Variants in AMPD2 observed in about 807,000 individuals in gnomAD.
The protein encoded by AMPD2 is AMP deaminase 2.
Under a neutral mutation model 91.3 loss-of-function variants are expected in AMPD2, and 52 were observed. The observed-to-expected ratio is 0.57, with a 90% CI of 0.46 to 0.72. AMPD2 has a LOEUF of 0.72. Among genes scored for constraint, AMPD2 ranks in the 30% least tolerant of loss-of-function variants. The probability of loss-of-function intolerance (pLI) is 0.00; values close to 1 mark genes in which losing one functional copy is unlikely to be tolerated. For synonymous variants in AMPD2, 455 were observed against 456.4 expected (o/e 1.00, Z 0.04); for missense variants, 822 against 1,122.3 (o/e 0.73, Z 3.82).
Position 109,624,716 on chromosome 1 carries a change from C to T in AMPD2, c.92-587C>T, listed in dbSNP as rs534397429. ...TTCCTCTCCTCTTCCCTTGAGGGCTCGTCCCTAGGTCAGAGCTGAGCAGCA... is the reference window on the plus strand; with the variant it reads ...TTCCTCTCCTCTTCCCTTGAGGGCTTGTCCCTAGGTCAGAGCTGAGCAGCA... On this transcript the variant is annotated intron_variant, in intron 2 of 18. Coordinates refer to ENST00000528667, the MANE Select transcript of AMPD2 (RefSeq NM_001368809.2). This position sits in a 1 kb window ranked among gnomAD's most constrained non-coding sequence, Gnocchi z 5.2. Among the ~76,000 whole-genome samples, 4 of 152,184 alleles carry T rather than the reference C, an allele frequency of 2.6e-5. No homozygotes were observed. Among genetic ancestry groups the T allele is most frequent in the African/African-American group, 7.2e-5 (3 of 41,450 alleles).
chr1:109,626,616 G>A (rs1367078141), intron 6 of AMPD2, 110 bp from the exon 7 acceptor site: 11 of 1,449,728 alleles, frequency 7.6e-6, no homozygotes, highest in East Asian at 2.3e-5. Context: ...GTGTTCCTGG[G>A]GGTCAGGGCC....
Position 109,628,957 on chromosome 1 carries a change from G to C in AMPD2, c.1571+151G>C. On this transcript the variant is annotated intron_variant, in intron 13 of 18. Transcript: ENST00000528667. This position sits in a 1 kb window ranked among gnomAD's most constrained non-coding sequence, Gnocchi z 7.1. The stretch of plus-strand genomic sequence containing the variant: ...GGCTTCCTGGTCCCATCCATGGTCT[G>C]TCCAGCCTGGCCCACCTGGGTATCC... 7.0e-7 allele frequency: 1 copy of C among 1,436,824 alleles called. No individual in the cohort carries two copies. The highest frequency in any genetic ancestry group is 1.4e-5 in the South Asian group (1 of 72,202). 89.0% of individuals were successfully genotyped at this position (1,436,824 alleles called of 1,614,324 possible).
rs758231653 is a variant in AMPD2 at position 109,626,351 on chromosome 1, A to T, written c.455A>T (p.Asp152Val). The T allele has an allele frequency of 3.5e-5, 56 of 1,612,746 alleles. No homozygotes were observed. The highest frequency in any genetic ancestry group is 3.4e-6 in the Non-Finnish European group (4 of 1,179,390). The change falls in exon 6 of 19, where the codon GAC (aspartate) becomes GTC (valine). Residue 152 changes from aspartate (D) to valine (V), a missense_variant. Physicochemically the swap from Asp to Val is radical, Grantham distance 152. This residue lies in a region of AMPD2 where 240 missense variants were observed against 270.3 expected (regional missense o/e 0.89). Coordinates refer to ENST00000528667, the MANE Select transcript of AMPD2 (RefSeq NM_001368809.2). ...AAGGAACAGGGTGAGGGGCAGGGTGACCGGAGCCTGCGGGAGCGTGATGTG... is the reference window on the plus strand; with the variant it reads ...AAGGAACAGGGTGAGGGGCAGGGTGTCCGGAGCCTGCGGGAGCGTGATGTG... ...LYKEQGEGQGDRSLRERDVLE... is the reference protein window; with the variant it reads ...LYKEQGEGQGVRSLRERDVLE...
intron 2 of AMPD2, among the ~76,000 whole-genome samples, chr1:109,622,528 CGTAA>C (rs1307598969): frequency 2.6e-5 from 4 of 152,278 alleles, no homozygotes; most frequent in African/African-American, 7.2e-5. Context: ...TTGACTTCTC[CGTAA>C]GTGTGGGTGT....
At position 109,630,231 on chromosome 1, in the gene AMPD2, A is replaced by G; in HGVS notation, c.1984-2A>G. 1 of 1,611,792 alleles carries G rather than the reference A, an allele frequency of 6.2e-7. No homozygotes were observed. Among genetic ancestry groups the G allele is most frequent in the Non-Finnish European group, 8.5e-7 (1 of 1,179,978 alleles). On this transcript the variant is annotated splice_acceptor_variant, in intron 16 of 18. Coordinates refer to ENST00000528667, the MANE Select transcript of AMPD2 (RefSeq NM_001368809.2). LOFTEE classifies it high-confidence loss of function. ...GGCCCTCCCTCCCTGTTGCCTGCCCAGGCCCCCGTCCTGCAGTACCTGTAC... is the reference window on the plus strand; with the variant it reads ...GGCCCTCCCTCCCTGTTGCCTGCCCGGGCCCCCGTCCTGCAGTACCTGTAC...
At chr1:109,621,410 G>A (rs1335014752) in intron 2 of AMPD2, 144 bp downstream of exon 2, 2 of 770,510 alleles carry the variant, frequency 2.6e-6, no homozygotes, top group East Asian at 6.5e-5. Flanking sequence ...CCCAGGGACA[G>A]CCGGCTTGGA....
chr1:109,626,124 G>C, intron 4 of AMPD2, 36 bp from the exon 5 acceptor site: 1 of 1,612,200 alleles, frequency 6.2e-7, no homozygotes, highest in Non-Finnish European at 8.5e-7. Context: ...GCCGTCCCTC[G>C]GGATCTGCCT....
rs746418383 is a variant in AMPD2, at chr1:109,629,363, C to T, written c.1735C>T (p.Pro579Ser). 1 of 1,614,132 alleles carries T rather than the reference C, an allele frequency of 6.2e-7. No homozygotes were observed. Among genetic ancestry groups the T allele is most frequent in the Non-Finnish European group, 8.5e-7 (1 of 1,180,022 alleles). The change falls in exon 15 of 19, where the codon CCT becomes TCT. Residue 579 changes from proline to serine, a missense_variant. Physicochemically the swap from Pro to Ser is moderately conservative, Grantham distance 74. Transcript: ENST00000528667. ...GFDSVDDESK[P>S]ENHVFNLESP... ...TGACAGCGTGGATGATGAGTCCAAG[C>T]CTGAAAACCATGTCTTCAACCTGGA...
chr1:109,629,575 G>T, intron 15 of AMPD2, 85 bp downstream of exon 15: 1 of 1,538,918 alleles, frequency 6.5e-7, no homozygotes, highest in Non-Finnish European at 8.8e-7. Context: ...AGGGCCACTA[G>T]ACCTCTGACC....
rs1651281863 is a variant in AMPD2 at position 109,631,643 on chromosome 1, G to A, written c.*491G>A. ...GGGTCTGTGGAACTCCAGCAGCTCT[G>A]CACTGGGTAGAGCTGGGCCTAGAGC... On this transcript the variant is annotated 3_prime_UTR_variant, in exon 19 of 19. Coordinates refer to ENST00000528667, the MANE Select transcript of AMPD2 (RefSeq NM_001368809.2). 1 of 211,182 alleles carries A rather than the reference G, an allele frequency of 4.7e-6. No homozygotes were observed. The allele number at this position is 211,182 out of a possible 1,614,324, so 13.1% of individuals were successfully genotyped here. A position where few individuals can be genotyped will look rare whatever the true frequency, so the allele number is the denominator to read the frequency against.
Position 109,620,199 on chromosome 1 carries a change from G to A in AMPD2, c.-342G>A, listed in dbSNP as rs1650125285. On this transcript the variant is annotated 5_prime_UTR_variant, in exon 1 of 19. Transcript: ENST00000528667. ...GGGTCTGTGGCCCGATCCCCCTGCC[G>A]TCCCTCAGGACCCGGGCTTTCTGCT... 14 of 1,610,448 alleles carry A rather than the reference G, an allele frequency of 8.7e-6. No homozygotes were observed. Among genetic ancestry groups the A allele is most frequent in the Non-Finnish European group, 1.2e-5 (14 of 1,176,800 alleles).
In AMPD2 at chr1:109,631,456, G is replaced by A; in HGVS notation, c.*304G>A. On this transcript the variant is annotated 3_prime_UTR_variant, in exon 19 of 19. Coordinates refer to ENST00000528667, the MANE Select transcript of AMPD2 (RefSeq NM_001368809.2). ...ATGGGCTTCTCCAGTGTCCACAGGG[G>A]CTTGGGATGGTTGTGGGGGGCTGGC... 1 of 481,682 alleles carries A rather than the reference G, an allele frequency of 2.1e-6. No individual in the cohort carries two copies. The highest frequency in any genetic ancestry group is 3.8e-6 in the Non-Finnish European group (1 of 264,110). The allele number at this position is 481,682 out of a possible 1,614,324, so 29.8% of individuals were successfully genotyped here. A position where few individuals can be genotyped will look rare whatever the true frequency, so the allele number is the denominator to read the frequency against.
chr1:109,626,721 T>G lies in AMPD2; in HGVS notation c.532-5T>G. On this transcript the variant is annotated splice_polypyrimidine_tract_variant and splice_region_variant and intron_variant, in intron 6 of 18. Transcript: ENST00000528667. ...AGGAGAGTGATCGCATATCCTCATC[T>G]CCAGGTGCCGTTCACAGACCTGCTG... 1 of 1,611,290 alleles carries G rather than the reference T, an allele frequency of 6.2e-7. No individual in the cohort carries two copies. The highest frequency in any genetic ancestry group is 8.5e-7 in the Non-Finnish European group (1 of 1,178,330).
rs1264114813 is a variant in AMPD2 at position 109,625,205 on chromosome 1, C to T, written c.92-98C>T. 6.6e-7 allele frequency: 1 copy of T among 1,518,326 alleles called. No individual in the cohort carries two copies. Among genetic ancestry groups the T allele is most frequent in the Non-Finnish European group, 8.9e-7 (1 of 1,124,948 alleles). 94.1% of individuals were successfully genotyped at this position (1,518,326 alleles called of 1,614,324 possible). ...AGGAGGGACTGCCCTCTTTCCCGACCCTGGGCTCTCTCGGGAGCTGGCCTA... is the reference window on the plus strand; with the variant it reads ...AGGAGGGACTGCCCTCTTTCCCGACTCTGGGCTCTCTCGGGAGCTGGCCTA... On this transcript the variant is annotated intron_variant, in intron 2 of 18. Transcript: ENST00000528667. This position sits in a 1 kb window ranked among gnomAD's most constrained non-coding sequence, Gnocchi z 4.0.
At chr1:109,629,562 G>T in intron 15 of AMPD2, 72 bp downstream of exon 15, 8 of 1,575,498 alleles carry the variant, frequency 5.1e-6, no homozygotes, top group Non-Finnish European at 6.0e-6. Context: ...GGCACCTTGG[G>T]CCAGGGCCAC....
At position 109,631,619 on chromosome 1, in the gene AMPD2, G is replaced by T; in HGVS notation, c.*467G>T. 1 of 219,546 alleles carries T rather than the reference G, an allele frequency of 4.6e-6. No homozygotes were observed. The highest frequency in any genetic ancestry group is 9.3e-6 in the Non-Finnish European group (1 of 107,648). The allele number at this position is 219,546 out of a possible 1,614,324, so 13.6% of individuals were successfully genotyped here. A position where few individuals can be genotyped will look rare whatever the true frequency, so the allele number is the denominator to read the frequency against. ...CTGCTGTGGGCACGGGGCTGCTGAG[G>T]GTCTGTGGAACTCCAGCAGCTCTGC... On this transcript the variant is annotated 3_prime_UTR_variant, in exon 19 of 19. Coordinates refer to ENST00000528667, the MANE Select transcript of AMPD2 (RefSeq NM_001368809.2).
intron 7 of AMPD2, 77 bp from the exon 8 acceptor site, chr1:109,627,098 C>G: frequency 6.3e-7 from 1 of 1,598,224 alleles, no homozygotes; most frequent in Non-Finnish European, 8.5e-7. Context: ...ATCTCTTGCC[C>G]TCTGTGGGGC....
chr1:109,630,998 A>G lies in AMPD2; in HGVS notation c.2324A>G (p.Asp775Gly). Residue 775 changes from aspartate to glycine, a missense_variant, in exon 19 of 19, where the codon GAC becomes GGC. Physicochemically the swap from Asp to Gly is moderately conservative, Grantham distance 94. Transcript: ENST00000528667. ...ACCAAGGAAGGCCCTGAGGGGAATG[A>G]CATCCGCCGGACCAATGTGCCAGAC... Reference protein sequence around the residue: ...NYTKEGPEGNDIRRTNVPDIR... With the variant: ...NYTKEGPEGNGIRRTNVPDIR... The G allele has an allele frequency of 6.2e-7, 1 of 1,614,176 alleles. No homozygotes were observed. The highest frequency in any genetic ancestry group is 2.2e-5 in the East Asian group (1 of 44,882).
intron 17 of AMPD2, 59 bp downstream of exon 17, chr1:109,630,465 G>A: frequency 7.2e-7 from 1 of 1,381,488 alleles, no homozygotes; most frequent in South Asian, 1.2e-5. Context: ...GGTCTCCCGG[G>A]TTGGGTGGGG....
Sources: gnomAD v4.1 joint callset for allele counts (sites outside exome capture counted in the v4.1 genomes callset) on GRCh38, gnomAD v4.1.1 for gene constraint, gnomAD v4.1.1 regional missense constraint, Gnocchi (gnomAD v3.1) non-coding constraint, MANE v1.5 for transcripts, NCBI Gene and HGNC (gene_info 2026-07-23, HGNC 2026-07-21) for gene names.